Variants in RAP1GAP2 observed in about 807,000 individuals in gnomAD.
RAP1GAP2 encodes the protein rap1 GTPase-activating protein 2.
RAP1GAP2 carries 27 observed loss-of-function variants against 95.0 expected under a neutral mutation model. The observed-to-expected ratio is 0.28, with a 90% CI of 0.21 to 0.39. The LOEUF (loss-of-function observed/expected upper bound fraction) is 0.39, where lower values mean the gene tolerates loss of function less well. Ranked by LOEUF, RAP1GAP2 falls within the 10% of genes least tolerant of loss-of-function variation. RAP1GAP2 has a pLI of 1.00. For missense variants in RAP1GAP2, 771 were observed against 970.0 expected, an observed-to-expected ratio of 0.79 and a Z score of 2.72; for synonymous variants, 373 against 380.9, an observed-to-expected ratio of 0.98 and a Z score of 0.24.
At chr17:2,995,783 G>C (rs778283967) in intron 13 of RAP1GAP2, among the ~76,000 whole-genome samples, 12 of 152,142 alleles carry the variant, frequency 7.9e-5, no homozygotes, top group Non-Finnish European at 1.0e-4. Flanking sequence ...CTTCCTTGAG[G>C]TTTCTCCGTT....
intron 3 of RAP1GAP2, among the ~76,000 whole-genome samples, chr17:2,921,662 C>T (rs1188339609): frequency 6.7e-6 from 1 of 149,912 alleles, no homozygotes; most frequent in Admixed American, 6.7e-5. Context: ...GTCCTCAGGG[C>T]CGTTAAGGTG....
intron 2 of RAP1GAP2, among the ~76,000 whole-genome samples, chr17:2,868,304 A>G (rs901344449): frequency 1.4e-4 from 21 of 152,184 alleles, no homozygotes; most frequent in African/African-American, 4.8e-4. Context: ...CAGAGGTCTT[A>G]GAGATAGGCA....
chr17:2,989,086 A>C (rs2045661138), intron 11 of RAP1GAP2, among the ~76,000 whole-genome samples: 2 of 87,788 alleles, frequency 2.3e-5, no homozygotes, highest in Non-Finnish European at 4.5e-5. Context: ...AAAAACAAAA[A>C]CAAAACAAAA....
intron 2 of RAP1GAP2, among the ~76,000 whole-genome samples, chr17:2,889,889 A>ATATATATATATATATATATATAT (rs1408426152): frequency 1.7e-5 from 1 of 57,324 alleles, no homozygotes. Context: ...ATATATATAT[A>ATATATATATATATATATATATAT]TTTTTTTTTT....
At chr17:2,982,104 G>A (rs1407157196) in intron 10 of RAP1GAP2, among the ~76,000 whole-genome samples, 1 of 152,180 alleles carries the variant, frequency 6.6e-6, no homozygotes, top group African/African-American at 2.4e-5. Flanking sequence ...GAGGAAGAGA[G>A]GCCCCATTCC....
At chr17:2,957,296 C>T (rs1295430761) in intron 3 of RAP1GAP2, among the ~76,000 whole-genome samples, 1 of 152,200 alleles carries the variant, frequency 6.6e-6, no homozygotes, top group African/African-American at 2.4e-5. Context: ...CCCTCCTTCC[C>T]TGGCTGCTGT....
chr17:2,789,059 T>C (rs1196867481), intron 1 of RAP1GAP2, among the ~76,000 whole-genome samples: 1 of 152,168 alleles, frequency 6.6e-6, no homozygotes, highest in Non-Finnish European at 1.5e-5. Context: ...TACACAATTA[T>C]CAATTTTTTC....
rs1279962805 is a variant in RAP1GAP2, at chr17:3,003,707, G to A, written c.1201-1662G>A. Among the ~76,000 whole-genome samples, 1 of 152,166 alleles carries A rather than the reference G, an allele frequency of 6.6e-6. No homozygotes were observed. Among genetic ancestry groups the A allele is most frequent in the Non-Finnish European group, 1.5e-5 (1 of 68,022 alleles). ...CAAGCCCTCGCTGGAGGCCCTCGCT[G>A]CATTTAGAAAACAGGAAGGTGGGGC... On this transcript the variant is annotated intron_variant, in intron 14 of 24. Transcript: ENST00000254695. This position sits in a 1 kb window ranked among gnomAD's most constrained non-coding sequence, Gnocchi z 4.1.
intron 2 of RAP1GAP2, among the ~76,000 whole-genome samples, chr17:2,849,465 G>A (rs1055248754): frequency 6.6e-6 from 1 of 152,210 alleles, no homozygotes; most frequent in Admixed American, 6.5e-5. Flanking sequence ...CCGGTTCCCA[G>A]GCACAGAAGG....
chr17:2,865,513 C>T (rs978997123), intron 2 of RAP1GAP2, among the ~76,000 whole-genome samples: 3 of 152,138 alleles, frequency 2.0e-5, no homozygotes, highest in Admixed American at 6.5e-5. Context: ...TGGAAGGTCC[C>T]GGCTGCAGCC....
Position 2,871,145 on chromosome 17 carries a change from G to A in RAP1GAP2, c.81-34139G>A, listed in dbSNP as rs1477096136. On this transcript the variant is annotated intron_variant, in intron 2 of 24. Coordinates refer to ENST00000254695, the MANE Select transcript of RAP1GAP2 (RefSeq NM_015085.5). The surrounding 1 kb of genome is among the most constrained non-coding windows in gnomAD (Gnocchi z 5.0). ...TAATTTTTGTATTTTTAATAGAGAC[G>A]AGGTTTCACCATGTTGGCCAGGCTG... Among the ~76,000 whole-genome samples the A allele has an allele frequency of 6.6e-6, 1 of 152,020 alleles. No homozygotes were observed. Among genetic ancestry groups the A allele is most frequent in the African/African-American group, 2.4e-5 (1 of 41,380 alleles).
Position 2,905,313 on chromosome 17 carries a change from C to T in RAP1GAP2, c.110C>T (p.Ala37Val), listed in dbSNP as rs543243963. The change falls in exon 3 of 25, where the codon GCG becomes GTG. Residue 37 changes from alanine to valine, a missense_variant. Transcript: ENST00000254695. ...KKQELANSSD[A>V]TLPDRPLSPP... is the part of the protein sequence containing the mutation. ...CAGGAGCTGGCCAACAGCTCGGATG[C>T]GACCCTCCCAGACCGGCCGCTCTCC... 75 of 1,613,590 alleles carry T rather than the reference C, an allele frequency of 4.6e-5. No individual in the cohort carries two copies. Among genetic ancestry groups the T allele is most frequent in the South Asian group, 4.0e-4 (36 of 91,064 alleles).
chr17:2,927,235 G>C lies in RAP1GAP2; in HGVS notation c.165+21867G>C, dbSNP rs902820977. ...GTGGCGCGATCTCGGCTCACTGCAA[G>C]CTCCGCCTCCCGGGTTCAGGCCGTT... On this transcript the variant is annotated intron_variant, in intron 3 of 24. Transcript: ENST00000254695. Among the ~76,000 whole-genome samples the C allele has an allele frequency of 2.0e-4, 30 of 150,828 alleles. No homozygotes were observed. In the South Asian group the frequency reaches 6.4e-3, roughly 32 times the overall value.
intron 1 of RAP1GAP2, among the ~76,000 whole-genome samples, chr17:2,798,049 C>G (rs1017951198): frequency 3.9e-5 from 6 of 152,196 alleles, no homozygotes; most frequent in Non-Finnish European, 8.8e-5. Context: ...CAAAGCCAGG[C>G]CTGAGATTTG....
intron 2 of RAP1GAP2, among the ~76,000 whole-genome samples, chr17:2,863,430 C>A (rs1035204605): frequency 6.6e-6 from 1 of 152,146 alleles, no homozygotes; most frequent in African/African-American, 2.4e-5. Flanking sequence ...GAGCTGGGGA[C>A]GCCTCTGGAG....
intron 2 of RAP1GAP2, among the ~76,000 whole-genome samples, chr17:2,840,564 G>T (rs2071333394): frequency 6.6e-6 from 1 of 151,788 alleles, no homozygotes; most frequent in Non-Finnish European, 1.5e-5. Flanking sequence ...TCCCAGGCTG[G>T]GCTCAAACTC....
intron 2 of RAP1GAP2, among the ~76,000 whole-genome samples, chr17:2,886,508 C>T (rs375006829): frequency 6.6e-6 from 1 of 152,120 alleles, no homozygotes; most frequent in African/African-American, 2.4e-5. Context: ...ATTTAAAAAT[C>T]AGAAAACAGA....
chr17:3,010,569 A>C (rs2151620123), intron 17 of RAP1GAP2, among the ~76,000 whole-genome samples: 1 of 152,236 alleles, frequency 6.6e-6, no homozygotes, highest in South Asian at 2.1e-4. Flanking sequence ...CCAGCAGCTA[A>C]ATACAGGTGG....
At chr17:2,962,868 G>C (rs2044400176) in intron 5 of RAP1GAP2, 154 bp downstream of exon 5, 1 of 712,022 alleles carries the variant, frequency 1.4e-6, no homozygotes, top group Non-Finnish European at 2.2e-6. Context: ...TGCCTTGTTA[G>C]ACCAGTGCAC....
Sources: allele counts gnomAD v4.1 joint callset (sites outside exome capture counted in the v4.1 genomes callset), GRCh38; gene constraint gnomAD v4.1.1; non-coding constraint Gnocchi (gnomAD v3.1); transcripts MANE v1.5; gene names NCBI Gene and HGNC (gene_info 2026-07-23, HGNC 2026-07-21).